The following SLC9A7 variants were observed in gnomAD, a reference collection of about 807,000 sequenced individuals.
The protein encoded by SLC9A7 is sodium/hydrogen exchanger 7.
A neutral mutation model predicts 52.6 loss-of-function variants in SLC9A7; 19 were observed. That is an observed-to-expected ratio of 0.36 (90% confidence interval 0.25 to 0.53). The LOEUF (loss-of-function observed/expected upper bound fraction) is 0.53. Among genes scored for constraint, SLC9A7 ranks in the 20% least tolerant of loss-of-function variants. The probability of loss-of-function intolerance (pLI) is 0.91; values close to 1 mark genes in which losing one functional copy is unlikely to be tolerated. For missense variants in SLC9A7, 455 were observed against 597.9 expected, an observed-to-expected ratio of 0.76 and a Z score of 2.49; for synonymous variants, 226 against 252.1, an observed-to-expected ratio of 0.90 and a Z score of 0.98.
intron 14 of SLC9A7, among the ~76,000 whole-genome samples, chrX:46,626,737 A>G (rs1470715391): frequency 8.9e-6 from 1 of 111,822 alleles, no homozygotes; most frequent in Non-Finnish European, 1.9e-5. Context: ...AGATCTGGTT[A>G]AAAGTGTGCG....
chrX:46,699,493 A>G (rs1346085004), intron 1 of SLC9A7, among the ~76,000 whole-genome samples: 4 of 111,972 alleles, frequency 3.6e-5, no homozygotes, highest in Non-Finnish European at 7.5e-5. Context: ...TCAATATGGT[A>G]TCCAAGTGTA....
intron 7 of SLC9A7, among the ~76,000 whole-genome samples, chrX:46,654,525 T>C (rs536310358): frequency 6.4e-4 from 72 of 111,629 alleles, no homozygotes; most frequent in Middle Eastern, 4.6e-3. Context: ...TCTGTGCTCC[T>C]TGAATGGCCA....
chrX:46,680,976 C>A (rs1944203106), intron 2 of SLC9A7, among the ~76,000 whole-genome samples: 1 of 112,041 alleles, frequency 8.9e-6, no homozygotes, highest in South Asian at 3.7e-4. Context: ...GGCCCAAAGG[C>A]AGTGAAAATT....
chrX:46,700,846 GAAGTT>G (rs1162246727), intron 1 of SLC9A7, among the ~76,000 whole-genome samples: 1 of 111,701 alleles, frequency 9.0e-6, no homozygotes, highest in East Asian at 2.8e-4. Flanking sequence ...TTACAGATGA[GAAGTT>G]AAGGTACCAT....
chrX:46,688,655 T>C (rs1240833769), intron 1 of SLC9A7, among the ~76,000 whole-genome samples: 4 of 110,615 alleles, frequency 3.6e-5, no homozygotes, highest in Non-Finnish European at 7.6e-5. Flanking sequence ...GCACTTGTTA[T>C]TGTCTTATGA....
chrX:46,633,358 A>AAAAC (rs1569505089), intron 13 of SLC9A7, among the ~76,000 whole-genome samples: 1 of 91,771 alleles, frequency 1.1e-5, no homozygotes, highest in African/African-American at 4.0e-5. Context: ...AAAAAAAAAA[A>AAAAC]AAAAAAAAAA....
At chrX:46,672,679 A>G (rs750748683) in intron 3 of SLC9A7, 52 bp from the exon 4 acceptor site, 2 of 926,446 alleles carry the variant, frequency 2.2e-6, no homozygotes, top group Non-Finnish European at 3.1e-6. Context: ...ATTTTCAACA[A>G]TGAGCTTAAG....
intron 10 of SLC9A7, among the ~76,000 whole-genome samples, chrX:46,649,070 A>ATATCTATCTATC (rs60152703): frequency 0.049 from 5,127 of 105,351 alleles, 264 homozygotes; most frequent in African/African-American, 0.15. Flanking sequence ...AATTCAACTG[A>ATATCTATCTATC]TATCTATCTA....
chrX:46,613,513 A>G, intron 15 of SLC9A7, 119 bp from the exon 16 acceptor site: 1 of 440,183 alleles, frequency 2.3e-6, no homozygotes, highest in Non-Finnish European at 3.9e-6. Context: ...TTTTACTCGT[A>G]CAACACACGA....
chrX:46,625,402 G>C (rs1444516346), intron 14 of SLC9A7, among the ~76,000 whole-genome samples: 1 of 110,353 alleles, frequency 9.1e-6, no homozygotes, highest in Non-Finnish European at 1.9e-5. Context: ...GGACAATCAC[G>C]TGGGCCCTTA....
At chrX:46,718,344 C>G (rs1944803728) in intron 1 of SLC9A7, among the ~76,000 whole-genome samples, 1 of 112,033 alleles carries the variant, frequency 8.9e-6, no homozygotes, top group Admixed American at 9.5e-5. Context: ...CATTAAAACC[C>G]TAGAAGAAAA....
chrX:46,633,612 G>A (rs1943267921), intron 13 of SLC9A7, among the ~76,000 whole-genome samples: 1 of 108,882 alleles, frequency 9.2e-6, no homozygotes, highest in African/African-American at 3.3e-5. Context: ...AATGGGCCAG[G>A]GTGTTTTGGT....
intron 3 of SLC9A7, among the ~76,000 whole-genome samples, chrX:46,676,552 T>C (rs17332109): frequency 0.17 from 19,407 of 111,376 alleles, 1,369 homozygotes; most frequent in East Asian, 0.3. Context: ...AAAATGTCTT[T>C]CAACCATCAT....
chrX:46,698,152 C>G (rs1177123182), intron 1 of SLC9A7, among the ~76,000 whole-genome samples: 1 of 112,037 alleles, frequency 8.9e-6, no homozygotes, highest in Non-Finnish European at 1.9e-5. Context: ...GTCCTGTGAT[C>G]TCGCCCTGCC....
chrX:46,699,970 AC>A (rs750009960), intron 1 of SLC9A7, among the ~76,000 whole-genome samples: 3 of 109,901 alleles, frequency 2.7e-5, no homozygotes, highest in African/African-American at 1.0e-4. Context: ...TTAAAAAATT[AC>A]CCAGGCATAG....
intron 1 of SLC9A7, among the ~76,000 whole-genome samples, chrX:46,690,943 T>C (rs1021161144): frequency 9.0e-6 from 1 of 111,715 alleles, no homozygotes; most frequent in Non-Finnish European, 1.9e-5. Flanking sequence ...CTGGAGCTGG[T>C]GGGAGAAATG....
intron 1 of SLC9A7, among the ~76,000 whole-genome samples, chrX:46,749,111 AG>A (rs1170496979): frequency 8.9e-6 from 1 of 112,237 alleles, no homozygotes. Context: ...TCACACACAA[AG>A]GTTTCCTTCT....
rs1255164529 is a variant in SLC9A7, at chrX:46,600,076, C to T, written c.*6876G>A. ...CCCTACTATGAAGTCACACTTTGAA[C>T]GATCAATTTCAGTGGTAAATTCCCA... is the stretch of plus-strand genomic sequence containing the variant. On this transcript the variant is annotated 3_prime_UTR_variant, in exon 17 of 17. Transcript: ENST00000616978. 2.7e-5 allele frequency: 3 copies of T among 111,758 alleles called. No homozygotes were observed. Among genetic ancestry groups the T allele is most frequent in the South Asian group, 7.4e-4 (2 of 2,704 alleles). The allele number at this position is 111,758 out of a possible 1,213,427, so 9.2% of individuals were successfully genotyped here.
intron 16 of SLC9A7, among the ~76,000 whole-genome samples, chrX:46,608,976 A>G (rs769160416): frequency 1.1e-4 from 12 of 108,839 alleles, no homozygotes; most frequent in African/African-American, 2.0e-4. Context: ...CGAATTTCCA[A>G]CTCCTGGGGA....
Sources: gnomAD v4.1 joint callset for allele counts (sites outside exome capture counted in the v4.1 genomes callset) on GRCh38, gnomAD v4.1.1 for gene constraint, MANE v1.5 for transcripts, NCBI Gene and HGNC (gene_info 2026-07-23, HGNC 2026-07-21) for gene names.